COX7B2: variants seen among roughly 807,000 people sequenced by gnomAD.
The protein encoded by COX7B2 is cytochrome c oxidase subunit 7B2, mitochondrial.
For synonymous variants in COX7B2, 37 were observed against 32.1 expected, an observed-to-expected ratio of 1.15 and a Z score of -0.51; for missense variants, 109 against 95.9, an observed-to-expected ratio of 1.14 and a Z score of -0.57.
intron 2 of COX7B2, among the ~76,000 whole-genome samples, chr4:46,770,179 G>T (rs1221095816): frequency 6.6e-6 from 1 of 152,072 alleles, no homozygotes; most frequent in African/African-American, 2.4e-5. Flanking sequence ...GCAAAAATCA[G>T]TTGTGTTTCT....
chr4:46,794,856 T>C (rs1205722874), intron 2 of COX7B2, among the ~76,000 whole-genome samples: 6 of 152,168 alleles, frequency 3.9e-5, no homozygotes, highest in African/African-American at 1.4e-4. Context: ...TCTTTCTTGA[T>C]CTGCAGAAGC....
At chr4:46,900,456 G>GGCT (rs760919448) in intron 1 of COX7B2, among the ~76,000 whole-genome samples, 10 of 152,158 alleles carry the variant, frequency 6.6e-5, no homozygotes, top group Non-Finnish European at 1.5e-4. Flanking sequence ...CAACTGACCT[G>GGCT]GCTCTCACTG....
At chr4:46,899,792 A>T (rs947456405) in intron 1 of COX7B2, among the ~76,000 whole-genome samples, 1 of 152,202 alleles carries the variant, frequency 6.6e-6, no homozygotes, top group Admixed American at 6.5e-5. Context: ...ATCTTAAAAT[A>T]ATAAGTATAG....
At chr4:46,884,691 T>A (rs1270134569) in intron 1 of COX7B2, among the ~76,000 whole-genome samples, 1 of 152,208 alleles carries the variant, frequency 6.6e-6, no homozygotes, top group African/African-American at 2.4e-5. Context: ...TTTGGCTCCT[T>A]TTATTGCTCT....
intron 2 of COX7B2, among the ~76,000 whole-genome samples, chr4:46,794,724 A>G (rs1718232209): frequency 6.6e-6 from 1 of 152,154 alleles, no homozygotes; most frequent in Non-Finnish European, 1.5e-5. Flanking sequence ...TATGATGGAG[A>G]GCAGAGTCAA....
intron 2 of COX7B2, among the ~76,000 whole-genome samples, chr4:46,811,617 T>G (rs1719289208): frequency 6.6e-6 from 1 of 152,158 alleles, no homozygotes; most frequent in South Asian, 2.1e-4. Flanking sequence ...TGATTTCCTT[T>G]TTAGGCAATT....
At chr4:46,814,279 T>C (rs140548796) in intron 2 of COX7B2, among the ~76,000 whole-genome samples, 16 of 152,334 alleles carry the variant, frequency 1.1e-4, no homozygotes, top group African/African-American at 3.4e-4. Flanking sequence ...ATTTCAGAAA[T>C]AGACTTCCAT....
intron 2 of COX7B2, among the ~76,000 whole-genome samples, chr4:46,767,202 A>T (rs1716593216): frequency 6.6e-6 from 1 of 152,234 alleles, no homozygotes; most frequent in Non-Finnish European, 1.5e-5. Context: ...AAAAGAAAGT[A>T]GGATATATAC....
intron 2 of COX7B2, among the ~76,000 whole-genome samples, chr4:46,760,945 T>C (rs1716111743): frequency 6.6e-6 from 1 of 152,200 alleles, no homozygotes; most frequent in Admixed American, 6.6e-5. Flanking sequence ...TTGGTGATTG[T>C]ATATGGCAAC....
At chr4:46,856,685 G>A (rs747523243) in intron 1 of COX7B2, among the ~76,000 whole-genome samples, 2 of 152,154 alleles carry the variant, frequency 1.3e-5, no homozygotes, top group Non-Finnish European at 1.5e-5. Flanking sequence ...AGAAAAGGGT[G>A]AAATTAATAG....
intron 2 of COX7B2, among the ~76,000 whole-genome samples, chr4:46,751,752 G>C (rs1163506708): frequency 1.3e-5 from 2 of 152,024 alleles, no homozygotes; most frequent in African/African-American, 4.8e-5. Flanking sequence ...GCAAAGATTA[G>C]AAATTTTCTC....
At chr4:46,747,738 A>G (rs1214139070) in intron 2 of COX7B2, among the ~76,000 whole-genome samples, 1 of 152,184 alleles carries the variant, frequency 6.6e-6, no homozygotes, top group African/African-American at 2.4e-5. Context: ...CAAATTCCTA[A>G]TGACAGCATA....
At chr4:46,847,604 C>T (rs554608740) in intron 1 of COX7B2, among the ~76,000 whole-genome samples, 1 of 152,150 alleles carries the variant, frequency 6.6e-6, no homozygotes, top group South Asian at 2.1e-4. Flanking sequence ...TAAAGCACTA[C>T]AATTTGTAGT....
intron 1 of COX7B2, among the ~76,000 whole-genome samples, chr4:46,879,868 T>C (rs35500061): frequency 3.3e-5 from 5 of 152,128 alleles, no homozygotes; most frequent in Non-Finnish European, 7.4e-5. Context: ...AATGCTGTGG[T>C]TTTGGACTGG....
chr4:46,855,933 A>G (rs1266685182), intron 1 of COX7B2, among the ~76,000 whole-genome samples: 1 of 152,132 alleles, frequency 6.6e-6, no homozygotes, highest in Non-Finnish European at 1.5e-5. Context: ...TAATAATAAG[A>G]CAAATTAATA....
chr4:46,823,508 T>C (rs1251319881), intron 2 of COX7B2, among the ~76,000 whole-genome samples: 1 of 151,236 alleles, frequency 6.6e-6, no homozygotes, highest in Non-Finnish European at 1.5e-5. Flanking sequence ...AACACACTTC[T>C]AAATAACTTA....
intron 1 of COX7B2, chr4:46,903,920 T>C (rs995170048): frequency 6.6e-6 from 1 of 152,208 alleles, no homozygotes; most frequent in Non-Finnish European, 1.5e-5. Context: ...TGTTCAGCGA[T>C]GCATGACTGT....
rs575080398 is a variant in COX7B2, at chr4:46,842,927, T to A, written c.-50+2033A>T. Among the ~76,000 whole-genome samples, 3 of 152,210 alleles carry A rather than the reference T, an allele frequency of 2.0e-5. No homozygotes were observed. In the South Asian group the frequency reaches 6.2e-4, roughly 32 times the overall value. ...TTTGGGTATATACCCAGTAATGGGA[T>A]GGCTGGGTCAAATGGTATTTCCAGT... On this transcript the variant is annotated intron_variant, in intron 2 of 2. Coordinates refer to ENST00000355591, the MANE Select transcript of COX7B2 (RefSeq NM_130902.3).
chr4:46,877,800 A>T (rs1340004410), intron 1 of COX7B2, among the ~76,000 whole-genome samples: 8 of 152,160 alleles, frequency 5.3e-5, no homozygotes, highest in African/African-American at 1.9e-4. Context: ...ATTGATACAG[A>T]CATTACAGAA....
Sources: allele counts gnomAD v4.1 joint callset (sites outside exome capture counted in the v4.1 genomes callset), GRCh38; gene constraint gnomAD v4.1.1; transcripts MANE v1.5; gene names NCBI Gene and HGNC (gene_info 2026-07-23, HGNC 2026-07-21).